The following LRRC9 variants were observed in gnomAD, a reference collection of about 807,000 sequenced individuals.
The protein encoded by LRRC9 is leucine-rich repeat-containing protein 9.
Under a neutral mutation model 63.2 loss-of-function variants are expected in LRRC9, and 122 were observed. The ratio of observed to expected loss-of-function variants is 1.93; its 90% CI spans 1.67 to 2.24. LRRC9 has a LOEUF of 2.24. Among genes scored for constraint, LRRC9 ranks in the 30% most tolerant of loss-of-function variants. The pLI, the probability that LRRC9 is intolerant of heterozygous loss-of-function variation, is 0.00. For missense variants in LRRC9, 1,071 were observed against 627.7 expected (o/e 1.71, Z -7.55); for synonymous variants, 366 against 213.1 (o/e 1.72, Z -6.25).
intron 13 of LRRC9, among the ~76,000 whole-genome samples, chr14:59,974,935 C>T (rs1306359191): frequency 2.0e-5 from 3 of 149,924 alleles, no homozygotes. Context: ...TTAAGAGGAA[C>T]ATTTGTTACT....
intron 29 of LRRC9, among the ~76,000 whole-genome samples, chr14:60,045,355 C>A (rs1025870832): frequency 6.6e-6 from 1 of 152,110 alleles, no homozygotes; most frequent in Non-Finnish European, 1.5e-5. Flanking sequence ...TAGTTTGCTG[C>A]ACAGGTCACC....
In LRRC9 at chr14:59,990,127, G is replaced by A. The variant is rs219351; in HGVS notation, c.2211+4903G>A. On this transcript the variant is annotated intron_variant, in intron 17 of 31. Coordinates refer to ENST00000445360, the Ensembl canonical transcript of LRRC9. The surrounding 1 kb of genome is among the most constrained non-coding windows in gnomAD (Gnocchi z 4.2). Reference sequence around the variant, plus strand: ...TTTTTAGCAGAGATGAGGTTTCTCCGTGTTGGTCAGGCTGGTCTTGAACTC... The same window carrying A: ...TTTTTAGCAGAGATGAGGTTTCTCCATGTTGGTCAGGCTGGTCTTGAACTC... Among the ~76,000 whole-genome samples, 128,104 of 152,016 alleles carry A rather than the reference G, an allele frequency of 0.84. 54,541 individuals are homozygous for A. The highest frequency in any genetic ancestry group is 0.9 in the Non-Finnish European group (61,137 of 67,984).
Position 60,043,838 on chromosome 14 carries a change from T to C in LRRC9, c.3991-9227T>C, listed in dbSNP as rs932897580. Among the ~76,000 whole-genome samples, 24 of 149,296 alleles carry C rather than the reference T, an allele frequency of 1.6e-4. No individual in the cohort carries two copies. The Admixed American group carries it at 1.6e-3, about 10-fold the overall frequency. ...TGGCCTTGTAGAATGAGTTTGGAAGTATTCCTTCCTCTTCAATTTTTTTAA... is the reference window on the plus strand; with the variant it reads ...TGGCCTTGTAGAATGAGTTTGGAAGCATTCCTTCCTCTTCAATTTTTTTAA... On this transcript the variant is annotated intron_variant, in intron 29 of 31. Transcript: ENST00000445360.
intron 25 of LRRC9, 140 bp downstream of exon 25, chr14:60,018,619 T>C (rs140495766): frequency 1.2e-5 from 6 of 499,128 alleles, no homozygotes; most frequent in Middle Eastern, 5.3e-4. Context: ...TGTTTTTTAC[T>C]AAGCAAGAAA....
Position 60,003,624 on chromosome 14 carries a change from A to T in LRRC9, c.2668A>T (p.Thr890Ser). ...TACAATGTAAATTATTCTACAGATA[A>T]CTGCCTTAAATTTAGATGGACAACA... The change falls in exon 21 of 32, where the codon ACT becomes TCT. Residue 890 changes from threonine (T) to serine (S), a missense_variant. Thr to Ser is a moderately conservative substitution (Grantham distance 58, BLOSUM62 1). Coordinates refer to ENST00000445360, the Ensembl canonical transcript of LRRC9. This position sits in a 1 kb window ranked among gnomAD's most constrained non-coding sequence, Gnocchi z 4.2. 3 of 673,388 alleles carry T rather than the reference A, an allele frequency of 4.5e-6. No homozygotes were observed. Among genetic ancestry groups the T allele is most frequent in the Non-Finnish European group, 8.0e-6 (3 of 375,312 alleles). 41.7% of individuals were successfully genotyped at this position (673,388 alleles called of 1,614,324 possible). A position where few individuals can be genotyped will look rare whatever the true frequency, so the allele number is the denominator to read the frequency against.
chr14:60,019,585 T>C lies in LRRC9; in HGVS notation c.3566+325T>C, dbSNP rs545567468. On this transcript the variant is annotated intron_variant, in intron 26 of 31. Transcript: ENST00000445360. The stretch of plus-strand genomic sequence containing the variant: ...TCTTTTTTAAAAATTGAGGTACAAT[T>C]CACATACCATAAAACTCACCCTGTA... Among the ~76,000 whole-genome samples, 53 of 151,996 alleles carry C rather than the reference T, an allele frequency of 3.5e-4. No homozygotes were observed. The South Asian group carries it at 0.011, about 32-fold the overall frequency.
At chr14:60,010,994 C>T (rs1199334051) in intron 23 of LRRC9, among the ~76,000 whole-genome samples, 2 of 152,208 alleles carry the variant, frequency 1.3e-5, no homozygotes. Context: ...CCAACCTCTG[C>T]CTGTTACCCA....
chr14:59,946,495 T>C (rs1260782669), intron 8 of LRRC9, among the ~76,000 whole-genome samples: 1 of 150,976 alleles, frequency 6.6e-6, no homozygotes, highest in Admixed American at 6.6e-5. Context: ...CTATTTTCTT[T>C]TTTTTTGTCT....
rs1323422626 is a variant in LRRC9 at position 59,932,722 on chromosome 14, A to G, written c.543+683A>G. 1.3e-5 allele frequency among the ~76,000 whole-genome samples: 2 copies of G among 152,094 alleles called. No individual in the cohort carries two copies. The highest frequency in any genetic ancestry group is 6.6e-5 in the Admixed American group (1 of 15,262). ...CTTCTTACCATCTGCATCACTACCAAGCTGATTCAAGACACTATCATCTCT... is the reference window on the plus strand; with the variant it reads ...CTTCTTACCATCTGCATCACTACCAGGCTGATTCAAGACACTATCATCTCT... On this transcript the variant is annotated intron_variant, in intron 6 of 31. Coordinates refer to ENST00000445360, the Ensembl canonical transcript of LRRC9. The surrounding 1 kb of genome is among the most constrained non-coding windows in gnomAD (Gnocchi z 4.7).
chr14:59,974,097 A>T (rs144829838), intron 12 of LRRC9, among the ~76,000 whole-genome samples: 1 of 152,272 alleles, frequency 6.6e-6, no homozygotes, highest in African/African-American at 2.4e-5. Context: ...CAAGAAATAA[A>T]GTTAGTCACA....
intron 26 of LRRC9, among the ~76,000 whole-genome samples, chr14:60,021,245 T>G (rs1160909224): frequency 6.6e-6 from 1 of 151,902 alleles, no homozygotes; most frequent in African/African-American, 2.4e-5. Context: ...TAATGACGAA[T>G]AGTGTTGAGC....
chr14:60,063,388 C>T (rs1894782186), exon 32 of LRRC9: 6 of 700,176 alleles, frequency 8.6e-6, no homozygotes, highest in Middle Eastern at 2.3e-4. Flanking sequence ...TGAGCATACA[C>T]CAAGAAACTC....
At chr14:59,983,454 C>G (rs219337) in intron 16 of LRRC9, among the ~76,000 whole-genome samples, 112,899 of 151,608 alleles carry the variant, frequency 0.74, 44,176 homozygotes, top group Non-Finnish European at 0.87. Context: ...TTTAGTGGAG[C>G]AAATATATAT....
At chr14:59,982,946 G>A (rs1432514415) in intron 16 of LRRC9, among the ~76,000 whole-genome samples, 9 of 152,140 alleles carry the variant, frequency 5.9e-5, no homozygotes, top group Admixed American at 1.3e-4. Flanking sequence ...TAGAATATGG[G>A]ATCTTTACAA....
chr14:59,941,480 C>T (rs147995596), intron 7 of LRRC9, among the ~76,000 whole-genome samples: 1,639 of 151,068 alleles, frequency 0.011, 15 homozygotes, highest in Middle Eastern at 0.038. Flanking sequence ...AATAAAATAT[C>T]TATTAAATTT....
chr14:59,988,216 T>A (rs1274839595), intron 17 of LRRC9, among the ~76,000 whole-genome samples: 1 of 152,212 alleles, frequency 6.6e-6, no homozygotes, highest in Non-Finnish European at 1.5e-5. Flanking sequence ...TCAAGAAACC[T>A]TAGTTTCTTT....
intron 17 of LRRC9, among the ~76,000 whole-genome samples, chr14:59,992,999 T>C (rs1332876534): frequency 6.6e-6 from 1 of 151,956 alleles, no homozygotes; most frequent in African/African-American, 2.4e-5. Flanking sequence ...CCAAGACACA[T>C]AATTGTCAGA....
intron 19 of LRRC9, among the ~76,000 whole-genome samples, chr14:59,999,668 T>C (rs1477026800): frequency 6.6e-6 from 1 of 152,130 alleles, no homozygotes; most frequent in East Asian, 1.9e-4. Context: ...AATACCTTTG[T>C]TATCCATATT....
intron 13 of LRRC9, among the ~76,000 whole-genome samples, 159 bp downstream of exon 13, chr14:59,974,867 C>T (rs1885943831): frequency 6.6e-6 from 1 of 151,382 alleles, no homozygotes; most frequent in Non-Finnish European, 1.5e-5. Flanking sequence ...ATGACTTTCT[C>T]ATCATTAATT....
Sources: gnomAD v4.1 joint callset for allele counts (sites outside exome capture counted in the v4.1 genomes callset) on GRCh38, gnomAD v4.1.1 for gene constraint, Gnocchi (gnomAD v3.1) non-coding constraint, MANE v1.5 for transcripts, NCBI Gene and HGNC (gene_info 2026-07-23, HGNC 2026-07-21) for gene names.